The following AFF3 variants were observed in gnomAD, a reference collection of about 807,000 sequenced individuals.
AFF3 encodes ALF transcription elongation factor 3.
In AFF3, 32 loss-of-function variants were observed where a neutral mutation model predicts 129.7. That is an observed-to-expected ratio of 0.25 (90% CI 0.19 to 0.33). The LOEUF is 0.33. Among genes scored for constraint, AFF3 ranks in the 10% least tolerant of loss-of-function variants. The pLI, the probability that AFF3 is intolerant of heterozygous loss-of-function variation, is 1.00. For synonymous variants in AFF3, 644 were observed against 635.4 expected (o/e 1.01, Z -0.20); for missense variants, 1,373 against 1,592.0 (o/e 0.86, Z 2.34).
At chr2:99,717,502 T>C (rs1328182891) in intron 11 of AFF3, among the ~76,000 whole-genome samples, 1 of 152,260 alleles carries the variant, frequency 6.6e-6, no homozygotes, top group Non-Finnish European at 1.5e-5. Flanking sequence ...CACCTTTTCA[T>C]CTGCTTATTG....
intron 7 of AFF3, among the ~76,000 whole-genome samples, chr2:99,959,299 T>G (rs1315164892): frequency 7.4e-6 from 1 of 134,314 alleles, no homozygotes. Context: ...CCACCATCCA[T>G]GCCCAGCTAA....
intron 7 of AFF3, among the ~76,000 whole-genome samples, chr2:99,902,967 G>A (rs1694457378): frequency 6.6e-6 from 1 of 151,996 alleles, no homozygotes; most frequent in Non-Finnish European, 1.5e-5. Flanking sequence ...AACTACCAAG[G>A]ACACAAAGAG....
intron 13 of AFF3, among the ~76,000 whole-genome samples, chr2:99,644,879 TC>T (rs1261916860): frequency 6.6e-6 from 1 of 152,224 alleles, no homozygotes; most frequent in Non-Finnish European, 1.5e-5. Context: ...TCCACCTTTA[TC>T]CTGTTTGTCC....
At chr2:100,136,363 G>T (rs6747250) in intron 1 of AFF3, among the ~76,000 whole-genome samples, 6,574 of 152,192 alleles carry the variant, frequency 0.043, 378 homozygotes, top group African/African-American at 0.14. Flanking sequence ...AGAAGGCGCG[G>T]CCAGTGTGGT....
At chr2:99,701,321 C>T (rs1239257043) in intron 11 of AFF3, among the ~76,000 whole-genome samples, 14 of 152,150 alleles carry the variant, frequency 9.2e-5, no homozygotes, top group Non-Finnish European at 1.5e-4. Flanking sequence ...AAGGAAAGAA[C>T]GTCTCTTCGG....
intron 14 of AFF3, among the ~76,000 whole-genome samples, 194 bp downstream of exon 14, chr2:99,601,241 T>C (rs1679795556): frequency 6.6e-6 from 1 of 152,162 alleles, no homozygotes; most frequent in South Asian, 2.1e-4. Context: ...CAAAGGAACC[T>C]GTGAAATTAG....
In AFF3 at chr2:99,905,839, C is replaced by G. The variant is rs142363211; in HGVS notation, c.874-68315G>C. 1.3e-4 allele frequency among the ~76,000 whole-genome samples: 20 copies of G among 152,224 alleles called. No individual in the cohort carries two copies. In the East Asian group the frequency reaches 3.9e-3, roughly 29 times the overall value. On this transcript the variant is annotated intron_variant, in intron 7 of 24. Transcript: ENST00000672756. ...TACCAGCAGCAGCAGATCCTAATGA[C>G]TCCATTTGGTATTCATACAGATGTT... is the stretch of plus-strand genomic sequence containing the variant.
rs563269919 is a variant in AFF3 at position 99,769,769 on chromosome 2, G to A, written c.922-17468C>T. On this transcript the variant is annotated intron_variant, in intron 8 of 24. Transcript: ENST00000672756. ...ACAGAAGTACTGCCTTGGTGGTCTC[G>A]GATAAGATCAGGAAGAATTCTCTGG... is the stretch of plus-strand genomic sequence containing the variant. Among the ~76,000 whole-genome samples the A allele has an allele frequency of 6.6e-5, 10 of 152,270 alleles. No individual in the cohort carries two copies. The South Asian group carries it at 8.3e-4, about 13-fold the overall frequency.
intron 7 of AFF3, among the ~76,000 whole-genome samples, chr2:99,965,902 G>T (rs1677695745): frequency 6.6e-6 from 1 of 152,144 alleles, no homozygotes; most frequent in South Asian, 2.1e-4. Flanking sequence ...ATTAGACATG[G>T]TGCTTTGTTC....
At chr2:99,998,377 G>T (rs1457045413) in intron 7 of AFF3, among the ~76,000 whole-genome samples, 1 of 152,070 alleles carries the variant, frequency 6.6e-6, no homozygotes, top group Non-Finnish European at 1.5e-5. Context: ...AAAGTGGGGG[G>T]TTTCAGCATG....
intron 7 of AFF3, among the ~76,000 whole-genome samples, chr2:100,003,184 T>G (rs1371245789): frequency 6.6e-6 from 1 of 152,158 alleles, no homozygotes; most frequent in East Asian, 1.9e-4. Context: ...ATATTTTCTA[T>G]TCCTTCATTT....
In AFF3 at chr2:99,601,632, G is replaced by A. The variant is rs543772946; in HGVS notation, c.1185-11C>T. The A allele has an allele frequency of 1.3e-5, 20 of 1,586,822 alleles. No individual in the cohort carries two copies. The highest frequency in any genetic ancestry group is 6.7e-5 in the East Asian group (3 of 44,474). ...TGCTGGACCACGGCGCTGCCAGCCC[G>A]CGAGGCCCCCGGGAAGCAGAGGGAA... On this transcript the variant is annotated splice_polypyrimidine_tract_variant and intron_variant, in intron 13 of 24. Transcript: ENST00000672756.
chr2:99,659,013 C>A (rs1318885230), intron 12 of AFF3, among the ~76,000 whole-genome samples: 1 of 152,164 alleles, frequency 6.6e-6, no homozygotes, highest in Non-Finnish European at 1.5e-5. Context: ...AGGGTTATAT[C>A]CTTATTGTTG....
intron 13 of AFF3, among the ~76,000 whole-genome samples, chr2:99,616,671 G>A (rs1453232180): frequency 3.9e-5 from 6 of 152,020 alleles, no homozygotes; most frequent in East Asian, 3.9e-4. Context: ...CAGGAGAATC[G>A]CTTGAACCCA....
intron 4 of AFF3, among the ~76,000 whole-genome samples, chr2:100,046,139 A>G (rs1241447089): frequency 6.6e-6 from 1 of 152,198 alleles, no homozygotes; most frequent in African/African-American, 2.4e-5. Flanking sequence ...TCTGTAAAAC[A>G]GGAATAACAG....
At chr2:99,637,681 G>A (rs1262981098) in intron 13 of AFF3, among the ~76,000 whole-genome samples, 1 of 152,160 alleles carries the variant, frequency 6.6e-6, no homozygotes, top group Non-Finnish European at 1.5e-5. Context: ...AGGAACAGGT[G>A]TACTTCTACT....
intron 8 of AFF3, among the ~76,000 whole-genome samples, chr2:99,757,536 C>T (rs1298509799): frequency 6.6e-6 from 1 of 152,154 alleles, no homozygotes; most frequent in Non-Finnish European, 1.5e-5. Context: ...TTCTCATACC[C>T]ACCCTGAAAG....
At chr2:100,103,840 C>A (rs1690970973) in intron 4 of AFF3, among the ~76,000 whole-genome samples, 2 of 151,842 alleles carry the variant, frequency 1.3e-5, no homozygotes, top group Non-Finnish European at 1.5e-5. Flanking sequence ...GGAATACCGG[C>A]ACGGAGAAAC....
intron 2 of AFF3, among the ~76,000 whole-genome samples, chr2:100,108,908 C>CT (rs34769933): frequency 0.053 from 4,700 of 88,082 alleles, 215 homozygotes; most frequent in Non-Finnish European, 0.061. Flanking sequence ...CATTTCTTTC[C>CT]TTTTTTTTTT....
Sources: gnomAD v4.1 joint callset for allele counts (sites outside exome capture counted in the v4.1 genomes callset) on GRCh38, gnomAD v4.1.1 for gene constraint, MANE v1.5 for transcripts, NCBI Gene and HGNC (gene_info 2026-07-23, HGNC 2026-07-21) for gene names.